The following TAOK1 variants were observed in gnomAD, a reference collection of about 807,000 sequenced individuals.
TAOK1 encodes the protein TAO kinase 1.
TAOK1 carries 21 observed loss-of-function variants against 138.3 expected under a neutral mutation model. The observed-to-expected ratio is 0.15, with a 90% CI of 0.11 to 0.22. The LOEUF (loss-of-function observed/expected upper bound fraction) is 0.22, where lower values mean the gene tolerates loss of function less well. TAOK1 is among the 10% of genes least tolerant of loss of function. TAOK1 has a pLI of 1.00. For missense variants in TAOK1, 651 were observed against 1,227.7 expected (o/e 0.53, Z 7.02); for synonymous variants, 361 against 398.4 (o/e 0.91, Z 1.12).
chr17:29,484,460 C>T (rs141226049), intron 8 of TAOK1, among the ~76,000 whole-genome samples: 1 of 152,270 alleles, frequency 6.6e-6, no homozygotes, highest in East Asian at 1.9e-4. Context: ...TGTTCTGTAG[C>T]TATGGCTTTT....
At chr17:29,494,012 G>T (rs1215371555) in intron 10 of TAOK1, among the ~76,000 whole-genome samples, 1 of 151,998 alleles carries the variant, frequency 6.6e-6, no homozygotes, top group African/African-American at 2.4e-5. Flanking sequence ...TGCCTCTGAG[G>T]TTCAAGTGAT....
intron 8 of TAOK1, 86 bp from the exon 9 acceptor site, chr17:29,489,578 A>G: frequency 1.2e-6 from 1 of 842,132 alleles, no homozygotes; most frequent in Admixed American, 2.9e-5. Context: ...AAATAAAATC[A>G]TTTAAAAAAA....
chr17:29,531,449 T>C (rs1423673027), intron 18 of TAOK1, among the ~76,000 whole-genome samples: 1 of 136,992 alleles, frequency 7.3e-6, no homozygotes, highest in Admixed American at 7.9e-5. Flanking sequence ...ATATAAGAGC[T>C]TTGTAAACTT....
intron 1 of TAOK1, among the ~76,000 whole-genome samples, chr17:29,435,497 T>A (rs969641958): frequency 1.3e-5 from 2 of 152,180 alleles, no homozygotes; most frequent in African/African-American, 4.8e-5. Flanking sequence ...CCAAGGAATC[T>A]CAGATAAGAC....
chr17:29,530,505 A>G lies in TAOK1; in HGVS notation c.2247A>G (p.Pro749=), dbSNP rs1192310306. ...GAAATCACCTGCTGGAGACTACACC[A>G]AAGAGTGAGCACAAAGCTGTTCTGA... ...ALRNHLLETT[P]KSEHKAVLKR... Residue 749 remains proline (P), a synonymous_variant, in exon 18 of 20, where the codon CCA becomes CCG. Transcript: ENST00000261716. 1 of 1,614,086 alleles carries G rather than the reference A, an allele frequency of 6.2e-7. No individual in the cohort carries two copies. The highest frequency in any genetic ancestry group is 8.5e-7 in the Non-Finnish European group (1 of 1,180,046).
At chr17:29,509,821 A>G (rs953582186) in intron 14 of TAOK1, among the ~76,000 whole-genome samples, 2 of 151,750 alleles carry the variant, frequency 1.3e-5, no homozygotes, top group East Asian at 4.0e-4. Context: ...ACTTGAGCTC[A>G]GGAGGAGGCT....
chr17:29,536,648 G>GA (rs1374527744), intron 19 of TAOK1, among the ~76,000 whole-genome samples: 2 of 149,062 alleles, frequency 1.3e-5, no homozygotes, highest in African/African-American at 4.9e-5. Context: ...CATAAATCTT[G>GA]AAAAATATAG....
intron 2 of TAOK1, among the ~76,000 whole-genome samples, chr17:29,461,208 A>C (rs531814733): frequency 6.6e-6 from 1 of 152,196 alleles, no homozygotes; most frequent in Non-Finnish European, 1.5e-5. Flanking sequence ...GCATTACTCA[A>C]ACGTTGGTGA....
chr17:29,500,105 G>C (rs971160202), intron 12 of TAOK1, among the ~76,000 whole-genome samples: 4 of 152,054 alleles, frequency 2.6e-5, no homozygotes, highest in Non-Finnish European at 5.9e-5. Context: ...CTTGAGCCTG[G>C]AGTTGGAGAA....
chr17:29,395,796 T>C (rs1213806699), intron 1 of TAOK1, among the ~76,000 whole-genome samples: 1 of 149,624 alleles, frequency 6.7e-6, no homozygotes, highest in Non-Finnish European at 1.5e-5. Flanking sequence ...TAGCTGGCAC[T>C]ACAGGTACAT....
chr17:29,396,405 G>T (rs181077162), intron 1 of TAOK1, among the ~76,000 whole-genome samples: 1 of 152,144 alleles, frequency 6.6e-6, no homozygotes, highest in Non-Finnish European at 1.5e-5. Flanking sequence ...TAAGTGCCTT[G>T]CATAATAGAT....
Position 29,530,484 on chromosome 17 carries a change from T to C in TAOK1, c.2226T>C (p.Asn742=). The change falls in exon 18 of 20, where the codon AAT becomes AAC. Residue 742 remains asparagine (N), a synonymous_variant. Coordinates refer to ENST00000261716, the MANE Select transcript of TAOK1 (RefSeq NM_020791.4). Reference sequence around the variant, plus strand: ...CCAGACAGTACAAAGCATTAAGAAATCACCTGCTGGAGACTACACCAAAGA... The same window carrying C: ...CCAGACAGTACAAAGCATTAAGAAACCACCTGCTGGAGACTACACCAAAGA... ...IQTRQYKALR[N]HLLETTPKSE... is the part of the protein sequence containing the mutation. The C allele has an allele frequency of 6.2e-7, 1 of 1,613,856 alleles. No homozygotes were observed. Among genetic ancestry groups the C allele is most frequent in the Non-Finnish European group, 8.5e-7 (1 of 1,179,978 alleles).
chr17:29,426,127 G>A (rs1179595379), intron 1 of TAOK1, among the ~76,000 whole-genome samples: 5 of 152,146 alleles, frequency 3.3e-5, no homozygotes, highest in Non-Finnish European at 5.9e-5. Context: ...TGATCCACCT[G>A]CCTCAGCCTC....
At chr17:29,431,206 C>G (rs891998792) in intron 1 of TAOK1, among the ~76,000 whole-genome samples, 1 of 152,168 alleles carries the variant, frequency 6.6e-6, no homozygotes, top group African/African-American at 2.4e-5. Flanking sequence ...GTCAGGTTCT[C>G]ACTTAGGTGA....
chr17:29,474,890 G>GC (rs1379423834), intron 3 of TAOK1, among the ~76,000 whole-genome samples: 1 of 151,356 alleles, frequency 6.6e-6, no homozygotes, highest in Non-Finnish European at 1.5e-5. Context: ...GTACAATAAA[G>GC]CAAAGTGCTG....
At chr17:29,397,177 C>T (rs1327398800) in intron 1 of TAOK1, among the ~76,000 whole-genome samples, 1 of 151,608 alleles carries the variant, frequency 6.6e-6, no homozygotes, top group Non-Finnish European at 1.5e-5. Context: ...TGTCTGTAGT[C>T]CCAGCTACTC....
rs148629668 is a variant in TAOK1, at chr17:29,397,752, C to T, written c.-95+6728C>T. ...ATACATATATACACGTATATATACA[C>T]GTATGTATATATGTATACATGTATA... On this transcript the variant is annotated intron_variant, in intron 1 of 19. Coordinates refer to ENST00000261716, the MANE Select transcript of TAOK1 (RefSeq NM_020791.4). 7.9e-3 allele frequency among the ~76,000 whole-genome samples: 921 copies of T among 116,510 alleles called. 11 individuals carry two copies. The highest frequency in any genetic ancestry group is 0.03 in the African/African-American group (867 of 28,570). 76.4% of individuals were successfully genotyped at this position (116,510 alleles called of 152,430 possible).
At chr17:29,399,817 A>G (rs1035922601) in intron 1 of TAOK1, among the ~76,000 whole-genome samples, 1 of 151,874 alleles carries the variant, frequency 6.6e-6, no homozygotes, top group African/African-American at 2.4e-5. Context: ...TACAGCCTCA[A>G]TCTTCTGGAC....
chr17:29,520,416 C>A (rs1598519674), intron 16 of TAOK1, among the ~76,000 whole-genome samples: 1 of 151,672 alleles, frequency 6.6e-6, no homozygotes, highest in Admixed American at 6.6e-5. Flanking sequence ...ATCGCAAGAC[C>A]CTGTCTCTAC....
Sources: gnomAD v4.1 joint callset for allele counts (sites outside exome capture counted in the v4.1 genomes callset) on GRCh38, gnomAD v4.1.1 for gene constraint, MANE v1.5 for transcripts, NCBI Gene and HGNC (gene_info 2026-07-23, HGNC 2026-07-21) for gene names.